Variants in ABHD2 observed in about 807,000 individuals in gnomAD.
ABHD2 encodes abhydrolase domain containing 2, acylglycerol lipase.
ABHD2 carries 20 observed loss-of-function variants against 48.1 expected under a neutral mutation model. That is an observed-to-expected ratio of 0.42 (90% CI 0.29 to 0.60). The LOEUF is 0.60. ABHD2 is among the 20% of genes least tolerant of loss of function. The pLI, the probability that ABHD2 is intolerant of heterozygous loss-of-function variation, is 0.24. For synonymous variants in ABHD2, 209 were observed against 214.2 expected, an observed-to-expected ratio of 0.98 and a Z score of 0.21; for missense variants, 405 against 550.9, an observed-to-expected ratio of 0.74 and a Z score of 2.65.
At chr15:89,129,043 A>C (rs775447682) in intron 3 of ABHD2, among the ~76,000 whole-genome samples, 1 of 152,200 alleles carries the variant, frequency 6.6e-6, no homozygotes, top group Non-Finnish European at 1.5e-5. Context: ...TGACAGAAAT[A>C]GGGAAGTCTA....
the ABHD2 span, among the ~76,000 whole-genome samples, chr15:89,071,754 A>G: frequency 6.6e-6 from 1 of 152,208 alleles, no homozygotes; most frequent in Non-Finnish European, 1.5e-5. Flanking sequence ...TGCGTCTGCC[A>G]TACAGGGTCA....
chr15:89,076,088 T>G, the ABHD2 span, among the ~76,000 whole-genome samples: 5 of 152,346 alleles, frequency 3.3e-5, no homozygotes, highest in African/African-American at 1.2e-4. Context: ...CTGTGACCCA[T>G]GTGCTTGCTC....
In ABHD2 at chr15:89,092,584, A is replaced by AC. The variant is rs1441418044; in HGVS notation, c.-107+4025dup. 6.6e-6 allele frequency among the ~76,000 whole-genome samples: 1 copy of AC among 152,208 alleles called. No homozygotes were observed. Among genetic ancestry groups the AC allele is most frequent in the Non-Finnish European group, 1.5e-5 (1 of 68,042 alleles). Reference sequence around the variant, plus strand: ...TTAACTAGTAAATACATCTGTGTGTACCCCTGACCCCTGATCCTCAGAGGC... The same window carrying AC: ...TTAACTAGTAAATACATCTGTGTGTACCCCCTGACCCCTGATCCTCAGAGGC... On this transcript the variant is annotated intron_variant, in intron 1 of 10. Coordinates refer to ENST00000352732, the MANE Select transcript of ABHD2 (RefSeq NM_152924.5). The surrounding 1 kb of genome is among the most constrained non-coding windows in gnomAD (Gnocchi z 4.4).
At chr15:89,069,843 C>T in the ABHD2 span, among the ~76,000 whole-genome samples, 77 of 151,912 alleles carry the variant, frequency 5.1e-4, no homozygotes, top group African/African-American at 1.7e-3. Flanking sequence ...CCATGCATGG[C>T]TAATTTTTGT....
rs949466812 is a variant in ABHD2 at position 89,120,948 on chromosome 15, C to T, written c.194+4427C>T. On this transcript the variant is annotated intron_variant, in intron 3 of 10. Transcript: ENST00000352732. The surrounding 1 kb of genome is among the most constrained non-coding windows in gnomAD (Gnocchi z 4.2). ...CCTTATACTTGCCCCCACAAAATCA[C>T]GGTGATAGATATTGTTTAGTAACCT... The T allele has an allele frequency of 6.6e-6, 1 of 152,224 alleles. No individual in the cohort carries two copies. Among genetic ancestry groups the T allele is most frequent in the African/African-American group, 2.4e-5 (1 of 41,468 alleles). 9.4% of individuals were successfully genotyped at this position (152,224 alleles called of 1,614,324 possible).
At chr15:89,132,091 T>C (rs945365431) in intron 3 of ABHD2, among the ~76,000 whole-genome samples, 13 of 152,230 alleles carry the variant, frequency 8.5e-5, no homozygotes, top group African/African-American at 2.6e-4. Flanking sequence ...TATGTAAAGA[T>C]GTTTTGCTGG....
In ABHD2 at chr15:89,110,661, G is replaced by A. The variant is rs530264428; in HGVS notation, c.-106-3064G>A. 7.9e-4 allele frequency among the ~76,000 whole-genome samples: 120 copies of A among 152,322 alleles called. 1 individual carries two copies. The highest frequency in any genetic ancestry group is 3.4e-3 in the Middle Eastern group (1 of 294). On this transcript the variant is annotated intron_variant, in intron 1 of 10. Coordinates refer to ENST00000352732, the MANE Select transcript of ABHD2 (RefSeq NM_152924.5). ...ATTAAGCCTGCTGAAACTCCAGGGAGTACCCCCAGGGACATGCAGAACTGA... is the reference window on the plus strand; with the variant it reads ...ATTAAGCCTGCTGAAACTCCAGGGAATACCCCCAGGGACATGCAGAACTGA...
intron 1 of ABHD2, among the ~76,000 whole-genome samples, chr15:89,103,636 G>C (rs2049735930): frequency 6.6e-6 from 1 of 152,170 alleles, no homozygotes; most frequent in South Asian, 2.1e-4. Flanking sequence ...AGGGGGGTAA[G>C]GGTTGGAATA....
chr15:89,181,834 A>G (rs1359184825), intron 6 of ABHD2, among the ~76,000 whole-genome samples: 1 of 152,262 alleles, frequency 6.6e-6, no homozygotes, highest in Non-Finnish European at 1.5e-5. Flanking sequence ...TGGTTGGCTC[A>G]GCTCTTCCTT....
intron 10 of ABHD2, among the ~76,000 whole-genome samples, chr15:89,194,750 G>A (rs760117863): frequency 1.3e-5 from 2 of 152,074 alleles, no homozygotes; most frequent in Admixed American, 6.5e-5. Context: ...ATCAAAATCC[G>A]CATTTTAATA....
rs906585766 is a variant in ABHD2 at position 89,116,302 on chromosome 15, C to T, written c.-6-20C>T. On this transcript the variant is annotated intron_variant, in intron 2 of 10. Transcript: ENST00000352732. This position sits in a 1 kb window ranked among gnomAD's most constrained non-coding sequence, Gnocchi z 4.6. ...TCCTCACTGTGCTTGTAAACTTAGA[C>T]CTGTGCCTCTGCTCCCCAGATCAAG... 4 of 1,604,492 alleles carry T rather than the reference C, an allele frequency of 2.5e-6. No homozygotes were observed. In the African/African-American group the frequency reaches 5.3e-5, roughly 21 times the overall value.
intron 4 of ABHD2, among the ~76,000 whole-genome samples, chr15:89,152,081 T>G (rs1022945896): frequency 5.3e-5 from 8 of 151,742 alleles, no homozygotes; most frequent in Non-Finnish European, 1.0e-4. Flanking sequence ...AGAATAGTTT[T>G]TTTTTTTTTT....
At chr15:89,169,711 T>C (rs16942780) in intron 5 of ABHD2, among the ~76,000 whole-genome samples, 8,268 of 152,284 alleles carry the variant, frequency 0.054, 794 homozygotes, top group African/African-American at 0.19. Context: ...ATGTTGGGTG[T>C]CTTTAGCATT....
chr15:89,185,462 G>C lies in ABHD2; in HGVS notation c.761G>C (p.Arg254Pro). The change falls in exon 7 of 11, where the codon CGG becomes CCG. Residue 254 changes from arginine (R) to proline (P), a missense_variant. Physicochemically the swap from Arg to Pro is moderately radical, Grantham distance 103. Transcript: ENST00000352732. The surrounding 1 kb of genome is among the most constrained non-coding windows in gnomAD (Gnocchi z 5.9). ...TTCATGCAATGGGATCAGTGCCGGCGGTTCTACAACTTCCTCATGGCTGAC... is the reference window on the plus strand; with the variant it reads ...TTCATGCAATGGGATCAGTGCCGGCCGTTCTACAACTTCCTCATGGCTGAC... ...ETFMQWDQCR[R>P]FYNFLMADNM... 1 of 1,614,092 alleles carries C rather than the reference G, an allele frequency of 6.2e-7. No homozygotes were observed. The highest frequency in any genetic ancestry group is 8.5e-7 in the Non-Finnish European group (1 of 1,180,016).
At chr15:89,065,564 AT>A in the ABHD2 span, among the ~76,000 whole-genome samples, 2 of 152,186 alleles carry the variant, frequency 1.3e-5, no homozygotes, top group South Asian at 4.1e-4. Context: ...GATCTTAGAC[AT>A]TACATTGTTT....
At chr15:89,170,113 T>G (rs967085049) in intron 5 of ABHD2, among the ~76,000 whole-genome samples, 1 of 103,704 alleles carries the variant, frequency 9.6e-6, no homozygotes, top group Non-Finnish European at 2.0e-5. Context: ...TTTTTTTTTT[T>G]GGAGACGGGG....
intron 3 of ABHD2, among the ~76,000 whole-genome samples, chr15:89,133,982 GC>G (rs2050261757): frequency 6.6e-6 from 1 of 151,788 alleles, no homozygotes; most frequent in Non-Finnish European, 1.5e-5. Flanking sequence ...GACTACGGGT[GC>G]CTGCCACCAC....
rs1360045486 is a variant in ABHD2 at position 89,185,121 on chromosome 15, C to T, written c.723-303C>T. On this transcript the variant is annotated intron_variant, in intron 6 of 10. Transcript: ENST00000352732. The surrounding 1 kb of genome is among the most constrained non-coding windows in gnomAD (Gnocchi z 5.9). Reference sequence around the variant, plus strand: ...TGAAGCAGACTTTGGTCCTGGCAGGCTCAGTGACTAAGAGAAGGTCCAGGT... The same window carrying T: ...TGAAGCAGACTTTGGTCCTGGCAGGTTCAGTGACTAAGAGAAGGTCCAGGT... 6.6e-6 allele frequency among the ~76,000 whole-genome samples: 1 copy of T among 152,210 alleles called. No homozygotes were observed. The highest frequency in any genetic ancestry group is 6.5e-5 in the Admixed American group (1 of 15,280).
intron 3 of ABHD2, among the ~76,000 whole-genome samples, chr15:89,133,561 T>C (rs2050253650): frequency 6.6e-6 from 1 of 152,156 alleles, no homozygotes; most frequent in Non-Finnish European, 1.5e-5. Context: ...AGGTGAAAAA[T>C]GTTTTCTCAC....
Sources: allele counts gnomAD v4.1 joint callset (sites outside exome capture counted in the v4.1 genomes callset), GRCh38; gene constraint gnomAD v4.1.1; non-coding constraint Gnocchi (gnomAD v3.1); transcripts MANE v1.5; gene names NCBI Gene and HGNC (gene_info 2026-07-23, HGNC 2026-07-21).